Variants in C7orf78 observed in about 807,000 individuals in gnomAD.
The protein encoded by C7orf78 is chromosome 7 open reading frame 78, also known as putative uncharacterized protein C7orf78.
At chr7:12,528,013 AT>A in the C7orf78 span, among the ~76,000 whole-genome samples, 1 of 149,566 alleles carries the variant, frequency 6.7e-6, no homozygotes, top group Non-Finnish European at 1.5e-5. Context: ...AGAAAATGCC[AT>A]CTAGCTGTGT....
the C7orf78 span, among the ~76,000 whole-genome samples, chr7:12,514,026 A>G: frequency 6.6e-6 from 1 of 152,062 alleles, no homozygotes; most frequent in Admixed American, 6.5e-5. Flanking sequence ...AAAAAGTAAA[A>G]TGCCTATTCT....
the C7orf78 span, among the ~76,000 whole-genome samples, chr7:12,498,086 A>T: frequency 6.6e-6 from 1 of 151,930 alleles, no homozygotes; most frequent in African/African-American, 2.4e-5. Context: ...CCATCTGTAC[A>T]TCACCATCAT....
At chr7:12,525,653 T>C in the C7orf78 span, among the ~76,000 whole-genome samples, 1 of 152,250 alleles carries the variant, frequency 6.6e-6, no homozygotes, top group East Asian at 1.9e-4. Flanking sequence ...GATCATTTTT[T>C]CAAATTTTCA....
At chr7:12,526,625 C>T in the C7orf78 span, among the ~76,000 whole-genome samples, 4 of 152,214 alleles carry the variant, frequency 2.6e-5, no homozygotes, top group African/African-American at 9.6e-5. Flanking sequence ...AATTTATTTA[C>T]AAATATTGTA....
At chr7:12,497,228 T>C in the C7orf78 span, among the ~76,000 whole-genome samples, 1 of 151,928 alleles carries the variant, frequency 6.6e-6, no homozygotes. Context: ...GGAGCCAAGA[T>C]GGCCGAATAG....
At chr7:12,537,232 C>T in the C7orf78 span, among the ~76,000 whole-genome samples, 11 of 152,108 alleles carry the variant, frequency 7.2e-5, no homozygotes, top group Non-Finnish European at 1.3e-4. Flanking sequence ...ACAGTCATGG[C>T]GGAAGGTGAA....
the C7orf78 span, among the ~76,000 whole-genome samples, chr7:12,487,332 C>G: frequency 1.3e-5 from 2 of 151,948 alleles, no homozygotes; most frequent in African/African-American, 4.8e-5. Flanking sequence ...TCCATAGAGA[C>G]AACCTATTAG....
At chr7:12,507,144 CA>C in the C7orf78 span, 5,407 of 115,562 alleles carry the variant, frequency 0.047, 4 homozygotes, top group South Asian at 0.13. Flanking sequence ...ACTAAAAATA[CA>C]AAAAAAAAAA....
At chr7:12,525,075 T>C in the C7orf78 span, among the ~76,000 whole-genome samples, 11 of 152,176 alleles carry the variant, frequency 7.2e-5, no homozygotes, top group African/African-American at 2.6e-4. Flanking sequence ...GAGCGAAAAA[T>C]CTTGTATTAG....
the C7orf78 span, among the ~76,000 whole-genome samples, chr7:12,532,108 G>A: frequency 4.1e-4 from 62 of 152,208 alleles, 1 homozygote; most frequent in South Asian, 0.011. Flanking sequence ...AGATGGAGCC[G>A]CCATTTTGAA....
the C7orf78 span, among the ~76,000 whole-genome samples, chr7:12,531,872 C>T: frequency 6.6e-6 from 1 of 152,026 alleles, no homozygotes; most frequent in African/African-American, 2.4e-5. Flanking sequence ...GAGAGAGAAA[C>T]ATCGGAAAAA....
the C7orf78 span, among the ~76,000 whole-genome samples, chr7:12,516,978 G>A: frequency 6.6e-6 from 1 of 152,286 alleles, no homozygotes; most frequent in Middle Eastern, 3.4e-3. Context: ...GCTGAAATGA[G>A]TTAAGACTTT....
chr7:12,483,401 G>C, the C7orf78 span: 1 of 152,132 alleles, frequency 6.6e-6, no homozygotes, highest in Non-Finnish European at 1.5e-5. Context: ...TTAGATTTGA[G>C]ACAAGGAAAA....
chr7:12,533,697 T>C, the C7orf78 span, among the ~76,000 whole-genome samples: 1 of 151,968 alleles, frequency 6.6e-6, no homozygotes, highest in Admixed American at 6.6e-5. Flanking sequence ...TTTGTGTTTT[T>C]AGTAGAGACA....
chr7:12,509,555 A>G, the C7orf78 span, among the ~76,000 whole-genome samples: 1 of 152,184 alleles, frequency 6.6e-6, no homozygotes, highest in Non-Finnish European at 1.5e-5. Flanking sequence ...AAACATTAGA[A>G]TTTATTTCTT....
the C7orf78 span, among the ~76,000 whole-genome samples, chr7:12,534,337 C>T: frequency 6.6e-6 from 1 of 152,098 alleles, no homozygotes; most frequent in Non-Finnish European, 1.5e-5. Context: ...TATTTCACAT[C>T]GTGCATAAAG....
chr7:12,541,174 C>A, the C7orf78 span: 1 of 152,174 alleles, frequency 6.6e-6, no homozygotes, highest in East Asian at 1.9e-4. Flanking sequence ...TTAGATCTTG[C>A]AACTATGAGT....
At chr7:12,484,407 T>G in the C7orf78 span, among the ~76,000 whole-genome samples, 1 of 152,216 alleles carries the variant, frequency 6.6e-6, no homozygotes, top group Non-Finnish European at 1.5e-5. Context: ...ATAAGTTACC[T>G]AACATCTTGA....
the C7orf78 span, chr7:12,541,694 A>ATAC: frequency 6.6e-6 from 1 of 152,112 alleles, no homozygotes; most frequent in South Asian, 2.1e-4. Flanking sequence ...GAAAAAGAGT[A>ATAC]TATGTATGAG....
Sources: gnomAD v4.1 joint callset for allele counts (sites outside exome capture counted in the v4.1 genomes callset) on GRCh38, gnomAD v4.1.1 for gene constraint, MANE v1.5 for transcripts, NCBI Gene and HGNC (gene_info 2026-07-23, HGNC 2026-07-21) for gene names.